The following CACNB2 variants were observed in gnomAD, a reference collection of about 807,000 sequenced individuals.
CACNB2 encodes the protein voltage-dependent L-type calcium channel subunit beta-2.
CACNB2 carries 42 observed loss-of-function variants against 73.3 expected under a neutral mutation model. The observed-to-expected ratio is 0.57, with a 90% CI of 0.45 to 0.74. CACNB2 has a LOEUF of 0.74. Among genes scored for constraint, CACNB2 ranks in the 30% least tolerant of loss-of-function variants. The pLI is 0.00. For missense variants in CACNB2, 940 were observed against 853.0 expected, an observed-to-expected ratio of 1.10 and a Z score of -1.27; for synonymous variants, 348 against 310.3, an observed-to-expected ratio of 1.12 and a Z score of -1.28.
rs373430069 is a variant in CACNB2 at position 18,182,472 on chromosome 10, C to T, written c.213+31497C>T. Among the ~76,000 whole-genome samples, 33 of 151,428 alleles carry T rather than the reference C, an allele frequency of 2.2e-4. No homozygotes were observed. In the East Asian group the frequency reaches 2.7e-3, roughly 12 times the overall value. ...TTTGTAAGCACAAAAGTAACACATG[C>T]CTGTAATAGAAAATTTGAAAAAGGA... is the stretch of plus-strand genomic sequence containing the variant. On this transcript the variant is annotated intron_variant, in intron 2 of 13. Coordinates refer to ENST00000324631, the MANE Select transcript of CACNB2 (RefSeq NM_201596.3).
At chr10:18,254,703 C>T (rs1237603814) in intron 2 of CACNB2, among the ~76,000 whole-genome samples, 1 of 152,138 alleles carries the variant, frequency 6.6e-6, no homozygotes, top group Non-Finnish European at 1.5e-5. Flanking sequence ...TCAGTGGAAG[C>T]TGCAAGCAGC....
At chr10:18,191,068 C>T (rs576923189) in intron 2 of CACNB2, among the ~76,000 whole-genome samples, 41 of 152,166 alleles carry the variant, frequency 2.7e-4, no homozygotes, top group African/African-American at 7.5e-4. Flanking sequence ...ACAATGATGA[C>T]GTCAGGAACT....
intron 2 of CACNB2, among the ~76,000 whole-genome samples, chr10:18,225,586 T>A (rs942662525): frequency 2.9e-4 from 28 of 98,130 alleles, no homozygotes; most frequent in Non-Finnish European, 5.8e-4. Flanking sequence ...CGCTCCTTCC[T>A]TCCTTCCTTC....
intron 3 of CACNB2, among the ~76,000 whole-genome samples, chr10:18,469,806 A>C (rs1198840475): frequency 6.6e-6 from 1 of 152,176 alleles, no homozygotes; most frequent in Non-Finnish European, 1.5e-5. Flanking sequence ...ACTAATAAAA[A>C]TAAATCTAAT....
At chr10:18,310,630 T>TA (rs760799280) in intron 2 of CACNB2, among the ~76,000 whole-genome samples, 8,449 of 99,368 alleles carry the variant, frequency 0.085, 598 homozygotes, top group African/African-American at 0.21. Flanking sequence ...AAAAAAAAAG[T>TA]AAAAAAAAAA....
chr10:18,431,804 G>T (rs1157547458), intron 3 of CACNB2, among the ~76,000 whole-genome samples: 5 of 151,682 alleles, frequency 3.3e-5, no homozygotes, highest in African/African-American at 1.2e-4. Context: ...TCGCTCTGTT[G>T]CCTAGGCTGG....
At chr10:18,233,989 T>C (rs2036327039) in intron 2 of CACNB2, among the ~76,000 whole-genome samples, 1 of 152,038 alleles carries the variant, frequency 6.6e-6, no homozygotes, top group South Asian at 2.1e-4. Context: ...AAGACTGCAA[T>C]CCAATAAAGG....
intron 2 of CACNB2, among the ~76,000 whole-genome samples, chr10:18,237,882 C>G (rs61012530): frequency 4.4e-4 from 67 of 152,332 alleles, no homozygotes; most frequent in East Asian, 1.7e-3. Context: ...TTAGCCCAGA[C>G]AGGGGATCTT....
In CACNB2 at chr10:18,473,596, T is replaced by C. The variant is rs182405228; in HGVS notation, c.334-24759T>C. ...GGAACAGACTCTGGACTTATTAGTG[T>C]CTGGAGCCATCAGTCAATACTTTTC... On this transcript the variant is annotated intron_variant, in intron 3 of 13. Transcript: ENST00000324631. 2.4e-3 allele frequency among the ~76,000 whole-genome samples: 370 copies of C among 152,266 alleles called. 6 individuals are homozygous for C. Among genetic ancestry groups the C allele is most frequent in the Non-Finnish European group, 7.5e-4 (51 of 68,018 alleles).
chr10:18,225,960 C>T (rs2035975805), intron 2 of CACNB2, among the ~76,000 whole-genome samples: 1 of 151,914 alleles, frequency 6.6e-6, no homozygotes, highest in African/African-American at 2.4e-5. Flanking sequence ...ATATTAAAGA[C>T]ATGTTCTTAG....
Position 18,539,819 on chromosome 10 carries a change from C to A in CACNB2, c.*95C>A. ...AAGTCTTTGGGGTCTACACTGCAAT[C>A]ATATGTGATCTGTCTTGTAATATTT... On this transcript the variant is annotated 3_prime_UTR_variant, in exon 14 of 14. Coordinates refer to ENST00000324631, the MANE Select transcript of CACNB2 (RefSeq NM_201596.3). The A allele has an allele frequency of 8.3e-7, 1 of 1,209,286 alleles. No homozygotes were observed. The highest frequency in any genetic ancestry group is 1.2e-6 in the Non-Finnish European group (1 of 850,368). 74.9% of individuals were successfully genotyped at this position (1,209,286 alleles called of 1,614,324 possible).
chr10:18,244,185 G>C (rs2036773514), intron 2 of CACNB2, among the ~76,000 whole-genome samples: 1 of 152,158 alleles, frequency 6.6e-6, no homozygotes, highest in Non-Finnish European at 1.5e-5. Flanking sequence ...CTATAATTCT[G>C]TTACATGATA....
intron 2 of CACNB2, among the ~76,000 whole-genome samples, chr10:18,218,865 C>T (rs182846038): frequency 1.2e-4 from 18 of 151,302 alleles, no homozygotes; most frequent in African/African-American, 4.1e-4. Flanking sequence ...GACTCCATCT[C>T]AAAAAAAAGT....
intron 2 of CACNB2, among the ~76,000 whole-genome samples, chr10:18,156,685 A>C (rs973432597): frequency 1.3e-5 from 2 of 152,186 alleles, no homozygotes; most frequent in African/African-American, 4.8e-5. Flanking sequence ...AATATTTCAA[A>C]GACAGAATCT....
chr10:18,527,531 AT>A (rs1281240009), intron 9 of CACNB2, 56 bp from the exon 10 acceptor site: 34 of 1,083,350 alleles, frequency 3.1e-5, no homozygotes, highest in Middle Eastern at 4.0e-4. Flanking sequence ...ATACACTTCT[AT>A]CCCCTTTGAT....
chr10:18,238,605 C>T (rs1448399370), intron 2 of CACNB2: 1 of 152,136 alleles, frequency 6.6e-6, no homozygotes, highest in Non-Finnish European at 1.5e-5. Context: ...TTTTGAGCTT[C>T]TAAGTTGCTT....
chr10:18,513,742 C>G (rs1449082966), intron 6 of CACNB2: 1 of 208,466 alleles, frequency 4.8e-6, no homozygotes, highest in South Asian at 7.8e-5. Context: ...TGATATATAA[C>G]ATAACCACAT....
intron 3 of CACNB2, among the ~76,000 whole-genome samples, chr10:18,482,813 G>A (rs913756530): frequency 6.6e-6 from 1 of 152,042 alleles, no homozygotes; most frequent in African/African-American, 2.4e-5. Context: ...CGCCAGGCCT[G>A]GGGTATCTTT....
chr10:18,467,649 T>C (rs2132723827), intron 3 of CACNB2, among the ~76,000 whole-genome samples: 2 of 152,280 alleles, frequency 1.3e-5, no homozygotes, highest in Middle Eastern at 6.8e-3. Flanking sequence ...AATTTACTAT[T>C]CTCCATTGAC....
Sources: allele counts gnomAD v4.1 joint callset (sites outside exome capture counted in the v4.1 genomes callset), GRCh38; gene constraint gnomAD v4.1.1; transcripts MANE v1.5; gene names NCBI Gene and HGNC (gene_info 2026-07-23, HGNC 2026-07-21).